MCPH1: variants seen among roughly 807,000 people sequenced by gnomAD.
The protein encoded by MCPH1 is microcephalin.
In MCPH1, 104 loss-of-function variants were observed where a neutral mutation model predicts 84.5. The observed-to-expected ratio is 1.23, with a 90% confidence interval of 1.05 to 1.45. The LOEUF is 1.45. Among genes scored for constraint, MCPH1 ranks in the 40% most tolerant of loss-of-function variants. The pLI is 0.00. For missense variants in MCPH1, 1,498 were observed against 1,005.7 expected (o/e 1.49, Z -6.62); for synonymous variants, 514 against 366.8 (o/e 1.40, Z -4.58).
chr8:6,578,406 A>T (rs1179016587), intron 12 of MCPH1, among the ~76,000 whole-genome samples: 2 of 152,236 alleles, frequency 1.3e-5, no homozygotes, highest in African/African-American at 4.8e-5. Flanking sequence ...GCTTAAAAAT[A>T]TGCCTGTTTT....
At chr8:6,530,896 T>G (rs1482789475) in intron 12 of MCPH1, among the ~76,000 whole-genome samples, 1 of 152,220 alleles carries the variant, frequency 6.6e-6, no homozygotes, top group Non-Finnish European at 1.5e-5. Flanking sequence ...GCATCTCCCC[T>G]CTCATGTCCT....
intron 6 of MCPH1, 27 bp downstream of exon 6, chr8:6,439,123 A>G: frequency 6.2e-7 from 1 of 1,604,860 alleles, no homozygotes; most frequent in Non-Finnish European, 8.5e-7. Context: ...TAAAATGAAA[A>G]TTATGCAAAT....
At chr8:6,495,664 C>A (rs1811143930) in intron 11 of MCPH1, among the ~76,000 whole-genome samples, 1 of 152,152 alleles carries the variant, frequency 6.6e-6, no homozygotes, top group Non-Finnish European at 1.5e-5. Context: ...TGTTTCTACA[C>A]CTTCCATAAA....
Position 6,647,637 on chromosome 8 carries a change from A to G in MCPH1, c.*4588A>G, listed in dbSNP as rs1440972108. Reference sequence around the variant, plus strand: ...AACAACATGAATGAGCCTCAGAAACATAAGTGAAAGAGGTCAGACACAAAA... The same window carrying G: ...AACAACATGAATGAGCCTCAGAAACGTAAGTGAAAGAGGTCAGACACAAAA... On this transcript the variant is annotated 3_prime_UTR_variant, in exon 14 of 14. Transcript: ENST00000344683. The G allele has an allele frequency of 9.2e-5, 14 of 151,894 alleles. No individual in the cohort carries two copies. The highest frequency in any genetic ancestry group is 2.4e-4 in the African/African-American group (10 of 41,118). The allele number at this position is 151,894 out of a possible 1,614,324, so 9.4% of individuals were successfully genotyped here. A position where few individuals can be genotyped will look rare whatever the true frequency, so the allele number is the denominator to read the frequency against.
At chr8:6,602,653 C>T (rs1829462247) in intron 12 of MCPH1, among the ~76,000 whole-genome samples, 1 of 152,030 alleles carries the variant, frequency 6.6e-6, no homozygotes, top group Non-Finnish European at 1.5e-5. Flanking sequence ...TTGTTGTTGG[C>T]TGGTTGGGTT....
intron 12 of MCPH1, among the ~76,000 whole-genome samples, chr8:6,547,782 G>A (rs149460263): frequency 6.5e-4 from 99 of 152,282 alleles, no homozygotes; most frequent in South Asian, 4.2e-4. Context: ...CTCCCATGCC[G>A]GTGGGAATGC....
intron 1 of MCPH1, among the ~76,000 whole-genome samples, chr8:6,408,811 C>T (rs1446045140): frequency 1.3e-5 from 2 of 152,120 alleles, no homozygotes; most frequent in Non-Finnish European, 2.9e-5. Flanking sequence ...GATCCCACTG[C>T]CTTGGCCTTC....
intron 12 of MCPH1, among the ~76,000 whole-genome samples, chr8:6,618,054 T>A (rs1831030263): frequency 6.6e-6 from 1 of 152,102 alleles, no homozygotes; most frequent in Non-Finnish European, 1.5e-5. Flanking sequence ...TTACAGGTGT[T>A]AGCCACTTTG....
intron 3 of MCPH1, among the ~76,000 whole-genome samples, chr8:6,423,236 C>G (rs1364899859): frequency 2.2e-5 from 3 of 137,966 alleles, no homozygotes; most frequent in Non-Finnish European, 4.6e-5. Context: ...GTCGCCCAGG[C>G]TGGAGTGCAG....
intron 2 of MCPH1, among the ~76,000 whole-genome samples, chr8:6,411,221 G>T (rs566449305): frequency 1.3e-5 from 2 of 152,244 alleles, no homozygotes; most frequent in Non-Finnish European, 2.9e-5. Context: ...TGAACTGTAC[G>T]GGTGCTGCCC....
chr8:6,449,266 A>G (rs1008953426), intron 8 of MCPH1, among the ~76,000 whole-genome samples: 4 of 152,156 alleles, frequency 2.6e-5, no homozygotes, highest in African/African-American at 7.2e-5. Context: ...GCGTGTCCTT[A>G]TATTGCAGAT....
At chr8:6,617,053 A>G (rs956098003) in intron 12 of MCPH1, 1 of 152,110 alleles carries the variant, frequency 6.6e-6, no homozygotes, top group African/African-American at 2.4e-5. Context: ...TGGGCAGGAA[A>G]TGAATTCTGT....
chr8:6,565,452 G>T (rs1267363756), intron 12 of MCPH1, among the ~76,000 whole-genome samples: 3 of 152,112 alleles, frequency 2.0e-5, no homozygotes, highest in Admixed American at 6.5e-5. Context: ...TAGAGACGGG[G>T]TCTCACTCTT....
intron 13 of MCPH1, among the ~76,000 whole-genome samples, chr8:6,636,614 G>T (rs1196966776): frequency 2.6e-5 from 4 of 152,078 alleles, no homozygotes; most frequent in Admixed American, 1.3e-4. Context: ...GTTGTAGCTG[G>T]GACTACAGTC....
At chr8:6,556,591 G>T (rs1824650111) in intron 12 of MCPH1, among the ~76,000 whole-genome samples, 2 of 151,900 alleles carry the variant, frequency 1.3e-5, no homozygotes, top group Admixed American at 1.3e-4. Flanking sequence ...TCCCCCTGGG[G>T]CAAGACTCTT....
intron 12 of MCPH1, among the ~76,000 whole-genome samples, chr8:6,612,099 G>A (rs1026987762): frequency 6.6e-6 from 1 of 152,174 alleles, no homozygotes; most frequent in African/African-American, 2.4e-5. Context: ...ATACACGCAG[G>A]TAGGGTTGGA....
chr8:6,413,520 C>A (rs1294706254), intron 2 of MCPH1, among the ~76,000 whole-genome samples: 1 of 151,666 alleles, frequency 6.6e-6, no homozygotes, highest in African/African-American at 2.4e-5. Flanking sequence ...TCTTTAACTT[C>A]TGTTGATTGG....
chr8:6,534,951 T>C (rs189059856), intron 12 of MCPH1, among the ~76,000 whole-genome samples: 1 of 152,350 alleles, frequency 6.6e-6, no homozygotes, highest in East Asian at 1.9e-4. Flanking sequence ...GTTAAAGCTG[T>C]GTGTCACCCA....
chr8:6,519,897 C>T (rs753656054), intron 12 of MCPH1: 23 of 1,613,922 alleles, frequency 1.4e-5, no homozygotes, highest in South Asian at 6.6e-5. Flanking sequence ...GGAATGTTAA[C>T]GTGTAGATGC....
Sources: gnomAD v4.1 joint callset for allele counts (sites outside exome capture counted in the v4.1 genomes callset) on GRCh38, gnomAD v4.1.1 for gene constraint, MANE v1.5 for transcripts, NCBI Gene and HGNC (gene_info 2026-07-23, HGNC 2026-07-21) for gene names.